LRMDA: variants seen among roughly 807,000 people sequenced by gnomAD.
LRMDA encodes leucine rich melanocyte differentiation associated.
Under a neutral mutation model 29.8 loss-of-function variants are expected in LRMDA, and 18 were observed. The observed-to-expected ratio is 0.60, with a 90% confidence interval of 0.42 to 0.90. LRMDA has a LOEUF of 0.90. Among genes scored for constraint, LRMDA ranks in the 40% least tolerant of loss-of-function variants. LRMDA has a pLI of 0.00. For synonymous variants in LRMDA, 125 were observed against 109.4 expected (o/e 1.14, Z -0.89); for missense variants, 273 against 273.9 (o/e 1.00, Z 0.02).
chr10:75,496,862 A>G (rs1412717280), intron 2 of LRMDA, among the ~76,000 whole-genome samples: 7 of 152,182 alleles, frequency 4.6e-5, no homozygotes, highest in Non-Finnish European at 2.9e-5. Flanking sequence ...ATGTATATAC[A>G]TGAGGGGTCT....
intron 2 of LRMDA, among the ~76,000 whole-genome samples, chr10:75,513,429 G>A (rs1845251202): frequency 6.6e-6 from 1 of 152,048 alleles, no homozygotes; most frequent in South Asian, 2.1e-4. Flanking sequence ...GTGTTTTGGG[G>A]ACTGACTGGT....
At chr10:75,797,989 T>G (rs1432058973) in intron 2 of LRMDA, among the ~76,000 whole-genome samples, 1 of 152,188 alleles carries the variant, frequency 6.6e-6, no homozygotes, top group African/African-American at 2.4e-5. Flanking sequence ...TTAGTGAGTA[T>G]ATATTTTTAT....
intron 5 of LRMDA, among the ~76,000 whole-genome samples, chr10:76,229,512 G>A (rs1410488289): frequency 6.6e-6 from 1 of 152,136 alleles, no homozygotes; most frequent in Non-Finnish European, 1.5e-5. Context: ...ATTATAGAGA[G>A]GTGATGCAAG....
chr10:75,729,723 G>A (rs1842672399), intron 2 of LRMDA, among the ~76,000 whole-genome samples: 1 of 152,216 alleles, frequency 6.6e-6, no homozygotes, highest in African/African-American at 2.4e-5. Context: ...GACACTATAT[G>A]TTGACCCACA....
intron 6 of LRMDA, among the ~76,000 whole-genome samples, chr10:76,342,074 G>A (rs1841048673): frequency 2.0e-5 from 3 of 152,144 alleles, no homozygotes; most frequent in Non-Finnish European, 2.9e-5. Context: ...AGTATTCCCC[G>A]GTAATATACT....
chr10:76,027,778 G>T (rs1243220745), intron 2 of LRMDA, among the ~76,000 whole-genome samples: 4 of 152,204 alleles, frequency 2.6e-5, no homozygotes, highest in Admixed American at 1.3e-4. Flanking sequence ...AGATCTTTGT[G>T]TGTGTACTAT....
At chr10:76,381,045 G>C (rs1400253548) in intron 6 of LRMDA, among the ~76,000 whole-genome samples, 1 of 13,760 alleles carries the variant, frequency 7.3e-5, no homozygotes, top group Admixed American at 5.2e-4. Flanking sequence ...TTTTTGGCTT[G>C]GAATGGCTGT....
intron 5 of LRMDA, among the ~76,000 whole-genome samples, chr10:76,063,598 T>C (rs1848738058): frequency 6.6e-6 from 1 of 151,952 alleles, no homozygotes; most frequent in South Asian, 2.1e-4. Context: ...TTGTGTGTGA[T>C]AGAAAGAAGG....
At chr10:75,474,214 T>G (rs1844761300) in intron 2 of LRMDA, among the ~76,000 whole-genome samples, 1 of 152,244 alleles carries the variant, frequency 6.6e-6, no homozygotes, top group African/African-American at 2.4e-5. Context: ...GGATGAACTG[T>G]CACAAAGAAG....
At chr10:75,576,152 G>A (rs1840503408) in intron 2 of LRMDA, among the ~76,000 whole-genome samples, 1 of 152,168 alleles carries the variant, frequency 6.6e-6, no homozygotes, top group South Asian at 2.1e-4. Context: ...AGCAGTCTGA[G>A]CCTGACCTGG....
intron 2 of LRMDA, among the ~76,000 whole-genome samples, chr10:75,903,238 C>T (rs907092956): frequency 2.0e-5 from 3 of 152,292 alleles, no homozygotes; most frequent in Middle Eastern, 3.4e-3. Context: ...ATTGACAGGG[C>T]CTTGCTCTTA....
At chr10:76,078,298 G>A (rs1301428491) in intron 5 of LRMDA, among the ~76,000 whole-genome samples, 1 of 151,486 alleles carries the variant, frequency 6.6e-6, no homozygotes, top group Non-Finnish European at 1.5e-5. Context: ...CATGAGCCAC[G>A]GCTCCCGGCC....
At chr10:76,393,492 GC>G (rs1296693102) in intron 6 of LRMDA, among the ~76,000 whole-genome samples, 2 of 151,986 alleles carry the variant, frequency 1.3e-5, no homozygotes, top group Non-Finnish European at 2.9e-5. Flanking sequence ...CAGGTCCTTT[GC>G]CCATATTTTA....
intron 2 of LRMDA, among the ~76,000 whole-genome samples, chr10:75,935,206 G>A (rs1258538142): frequency 6.6e-6 from 1 of 152,180 alleles, no homozygotes; most frequent in African/African-American, 2.4e-5. Context: ...CCAAGAAAGA[G>A]AAGGGCAAGG....
At position 76,352,149 on chromosome 10, in the gene LRMDA, G is replaced by T. The variant is rs543555697; in HGVS notation, c.601+27664G>T. On this transcript the variant is annotated intron_variant, in intron 6 of 6. Transcript: ENST00000611255. ...AATAGTTACTGTGGAAGTGCTGAATGGTAGTCCCCTTACCTCTAGGGGATG... is the reference window on the plus strand; with the variant it reads ...AATAGTTACTGTGGAAGTGCTGAATTGTAGTCCCCTTACCTCTAGGGGATG... Among the ~76,000 whole-genome samples, 83 of 152,260 alleles carry T rather than the reference G, an allele frequency of 5.5e-4. 1 individual carries two copies. Among genetic ancestry groups the T allele is most frequent in the African/African-American group, 2.0e-3 (82 of 41,560 alleles).
chr10:75,946,728 T>G (rs1035359453), intron 2 of LRMDA, among the ~76,000 whole-genome samples: 4 of 152,148 alleles, frequency 2.6e-5, no homozygotes, highest in Admixed American at 1.3e-4. Context: ...TCCTTAAACC[T>G]TAGTTTCCCT....
At chr10:75,892,675 G>A (rs750447266) in intron 2 of LRMDA, among the ~76,000 whole-genome samples, 1 of 152,144 alleles carries the variant, frequency 6.6e-6, no homozygotes, top group Non-Finnish European at 1.5e-5. Context: ...TCATCTCAAA[G>A]TTCTGCCTCT....
Position 75,431,729 on chromosome 10 carries a change from C to T in LRMDA, c.5C>T (p.Ala2Val). 1 of 1,359,392 alleles carries T rather than the reference C, an allele frequency of 7.4e-7. No individual in the cohort carries two copies. The highest frequency in any genetic ancestry group is 9.5e-7 in the Non-Finnish European group (1 of 1,052,138). 84.2% of individuals were successfully genotyped at this position (1,359,392 alleles called of 1,614,324 possible). A position where few individuals can be genotyped will look rare whatever the true frequency, so the allele number is the denominator to read the frequency against. The change falls in exon 1 of 7, where the codon GCC (alanine) becomes GTC (valine). Residue 2 changes from alanine (A) to valine (V), a missense_variant. Coordinates refer to ENST00000611255, the MANE Select transcript of LRMDA (RefSeq NM_001305581.2). The part of the protein sequence containing the change: M[A>V]GLVVRGTQVS... ...GCCCGCAGCGTCCTGGCCGCCATGG[C>T]CGGGCTCGTGGTGCGTGGAACTCAA... is the stretch of plus-strand genomic sequence containing the variant.
intron 2 of LRMDA, among the ~76,000 whole-genome samples, chr10:75,473,797 A>G (rs560000395): frequency 3.3e-5 from 5 of 152,316 alleles, no homozygotes; most frequent in South Asian, 2.1e-4. Context: ...TGTTTGTGTC[A>G]TCATGATCAT....
Sources: gnomAD v4.1 joint callset for allele counts (sites outside exome capture counted in the v4.1 genomes callset) on GRCh38, gnomAD v4.1.1 for gene constraint, MANE v1.5 for transcripts, NCBI Gene and HGNC (gene_info 2026-07-23, HGNC 2026-07-21) for gene names.